The following MTMR7 variants were observed in gnomAD, a reference collection of about 807,000 sequenced individuals.
MTMR7 encodes the protein phosphatidylinositol-3-phosphate phosphatase MTMR7.
MTMR7 carries 76 observed loss-of-function variants against 81.2 expected under a neutral mutation model. That is an observed-to-expected ratio of 0.94 (90% CI 0.78 to 1.13). The LOEUF is 1.13. MTMR7 is among the 50% of genes most tolerant of loss of function. The probability of loss-of-function intolerance (pLI) is 0.00; values close to 1 mark genes in which losing one functional copy is unlikely to be tolerated. For missense variants in MTMR7, 1,044 were observed against 820.0 expected, an observed-to-expected ratio of 1.27 and a Z score of -3.34; for synonymous variants, 372 against 289.8, an observed-to-expected ratio of 1.28 and a Z score of -2.88.
chr8:17,355,689 G>C (rs1323323678), intron 4 of MTMR7, among the ~76,000 whole-genome samples: 1 of 151,926 alleles, frequency 6.6e-6, no homozygotes, highest in Non-Finnish European at 1.5e-5. Flanking sequence ...ATATCTGCAA[G>C]AGCTATAAAT....
At chr8:17,354,597 A>G (rs1819829114) in intron 4 of MTMR7, among the ~76,000 whole-genome samples, 1 of 152,194 alleles carries the variant, frequency 6.6e-6, no homozygotes, top group Non-Finnish European at 1.5e-5. Flanking sequence ...TAAGTTTTGT[A>G]TTCTACGTCT....
intron 6 of MTMR7, among the ~76,000 whole-genome samples, chr8:17,333,292 G>C (rs28629211): frequency 6.6e-6 from 1 of 150,580 alleles, no homozygotes; most frequent in African/African-American, 2.4e-5. Flanking sequence ...CACACTTTAA[G>C]AAGTATAAAT....
chr8:17,334,926 C>T (rs1819181826), intron 6 of MTMR7, among the ~76,000 whole-genome samples: 3 of 152,172 alleles, frequency 2.0e-5, no homozygotes, highest in Admixed American at 1.3e-4. Context: ...GGGCATTCTA[C>T]ATAACCAATG....
intron 4 of MTMR7, among the ~76,000 whole-genome samples, chr8:17,359,436 A>G (rs1819995621): frequency 6.6e-6 from 1 of 152,014 alleles, no homozygotes; most frequent in African/African-American, 2.4e-5. Context: ...TATTCCTACA[A>G]AAACTTTGAA....
intron 1 of MTMR7, among the ~76,000 whole-genome samples, chr8:17,395,982 G>C (rs550361943): frequency 1.1e-4 from 17 of 152,252 alleles, no homozygotes; most frequent in African/African-American, 3.9e-4. Context: ...TAACAGATAT[G>C]ATAGGGGAAG....
At chr8:17,395,064 A>G (rs1821209436) in intron 1 of MTMR7, among the ~76,000 whole-genome samples, 1 of 152,162 alleles carries the variant, frequency 6.6e-6, no homozygotes, top group South Asian at 2.1e-4. Flanking sequence ...CTAACTATTA[A>G]GCAAAAACCC....
intron 1 of MTMR7, among the ~76,000 whole-genome samples, chr8:17,408,962 A>C (rs1283299036): frequency 6.6e-6 from 1 of 152,146 alleles, no homozygotes; most frequent in African/African-American, 2.4e-5. Flanking sequence ...AAAATGGTGA[A>C]TTTTACATTA....
At chr8:17,407,831 T>A (rs941582890) in intron 1 of MTMR7, among the ~76,000 whole-genome samples, 3 of 152,168 alleles carry the variant, frequency 2.0e-5, no homozygotes, top group African/African-American at 7.2e-5. Flanking sequence ...TATTATTTGC[T>A]AAAGGAAGAT....
intron 11 of MTMR7, among the ~76,000 whole-genome samples, chr8:17,305,333 A>G (rs1315151981): frequency 6.6e-6 from 1 of 152,208 alleles, no homozygotes; most frequent in African/African-American, 2.4e-5. Context: ...ATCTACTTTT[A>G]CCCTTGGATA....
intron 7 of MTMR7, among the ~76,000 whole-genome samples, chr8:17,328,492 C>A (rs1470344799): frequency 6.6e-6 from 1 of 151,874 alleles, no homozygotes; most frequent in Non-Finnish European, 1.5e-5. Flanking sequence ...CACATGTTCT[C>A]ACTTAAAAGT....
intron 3 of MTMR7, among the ~76,000 whole-genome samples, chr8:17,366,760 C>A (rs1396575296): frequency 6.6e-6 from 1 of 151,800 alleles, no homozygotes; most frequent in Non-Finnish European, 1.5e-5. Flanking sequence ...GTGGCGGGTG[C>A]CTGTAGTCCC....
chr8:17,298,915 T>C lies in MTMR7; in HGVS notation c.*947A>G, dbSNP rs1445933512. 6.6e-6 allele frequency: 1 copy of C among 152,208 alleles called. No homozygotes were observed. Among genetic ancestry groups the C allele is most frequent in the African/African-American group, 2.4e-5 (1 of 41,466 alleles). 9.4% of individuals were successfully genotyped at this position (152,208 alleles called of 1,614,324 possible). A position where few individuals can be genotyped will look rare whatever the true frequency, so the allele number is the denominator to read the frequency against. ...GCCAGTTACATAATTTCTAAAATGATAGATTACAAAACCTATTCCCTTCAT... is the reference window on the plus strand; with the variant it reads ...GCCAGTTACATAATTTCTAAAATGACAGATTACAAAACCTATTCCCTTCAT... On this transcript the variant is annotated 3_prime_UTR_variant, in exon 14 of 14. Coordinates refer to ENST00000180173, the MANE Select transcript of MTMR7 (RefSeq NM_004686.5).
At chr8:17,409,408 G>A (rs537318892) in intron 1 of MTMR7, among the ~76,000 whole-genome samples, 2 of 138,480 alleles carry the variant, frequency 1.4e-5, no homozygotes, top group African/African-American at 2.4e-5. Flanking sequence ...AAGTTTCAGT[G>A]AGCCAAGATC....
At position 17,361,173 on chromosome 8, in the gene MTMR7, G is replaced by T; in HGVS notation, c.412C>A (p.Arg138=). 6.2e-7 allele frequency: 1 copy of T among 1,614,088 alleles called. No homozygotes were observed. The highest frequency in any genetic ancestry group is 1.1e-5 in the South Asian group (1 of 91,082). Reference sequence around the variant, plus strand: ...CAGTAATGATTAGGGAGGCCCATCCGCGTGTATTCTTCACTAAGATCGATC... The same window carrying T: ...CAGTAATGATTAGGGAGGCCCATCCTCGTGTATTCTTCACTAAGATCGATC... The part of the protein sequence containing the change: ...VLIDLSEEYT[R]MGLPNHYWQL... Residue 138 remains arginine, a synonymous_variant, in exon 4 of 14, where the codon CGG becomes AGG. Coordinates refer to ENST00000180173, the MANE Select transcript of MTMR7 (RefSeq NM_004686.5).
chr8:17,385,570 C>A (rs543842581), intron 1 of MTMR7, among the ~76,000 whole-genome samples: 12 of 152,250 alleles, frequency 7.9e-5, no homozygotes, highest in African/African-American at 2.9e-4. Context: ...CCATGTAGAA[C>A]TGTGAGTCCA....
intron 1 of MTMR7, among the ~76,000 whole-genome samples, chr8:17,390,030 C>A (rs191427254): frequency 6.7e-6 from 1 of 149,844 alleles, no homozygotes; most frequent in African/African-American, 2.5e-5. Context: ...GGAGTTTGTA[C>A]CTTCTGCTTG....
intron 1 of MTMR7, among the ~76,000 whole-genome samples, chr8:17,379,872 A>G (rs1303986732): frequency 6.6e-6 from 1 of 152,160 alleles, no homozygotes; most frequent in Non-Finnish European, 1.5e-5. Flanking sequence ...AATCTAATCT[A>G]AACTGTCTGA....
intron 1 of MTMR7, among the ~76,000 whole-genome samples, chr8:17,379,056 A>C (rs1317143665): frequency 6.6e-6 from 1 of 152,218 alleles, no homozygotes; most frequent in Non-Finnish European, 1.5e-5. Context: ...GCAGGAGGAC[A>C]ATCAGGAGAT....
intron 4 of MTMR7, among the ~76,000 whole-genome samples, chr8:17,352,736 C>T (rs530564539): frequency 6.6e-6 from 1 of 152,264 alleles, no homozygotes; most frequent in African/African-American, 2.4e-5. Flanking sequence ...CAATGAGATG[C>T]TAACTCACAA....
Sources: gnomAD v4.1 joint callset for allele counts (sites outside exome capture counted in the v4.1 genomes callset) on GRCh38, gnomAD v4.1.1 for gene constraint, MANE v1.5 for transcripts, NCBI Gene and HGNC (gene_info 2026-07-23, HGNC 2026-07-21) for gene names.